Variants in PRKCE observed in about 807,000 individuals in gnomAD.
The protein encoded by PRKCE is protein kinase C epsilon.
PRKCE carries 16 observed loss-of-function variants against 85.4 expected under a neutral mutation model. The ratio of observed to expected loss-of-function variants is 0.19; its 90% CI spans 0.13 to 0.28. PRKCE has a LOEUF of 0.28. Ranked by LOEUF, PRKCE falls within the 10% of genes least tolerant of loss-of-function variation. The pLI is 1.00. For missense variants in PRKCE, 573 were observed against 975.2 expected (o/e 0.59, Z 5.49); for synonymous variants, 388 against 371.5 (o/e 1.04, Z -0.51).
At chr2:45,727,921 G>A (rs1489861390) in intron 1 of PRKCE, among the ~76,000 whole-genome samples, 1 of 152,176 alleles carries the variant, frequency 6.6e-6, no homozygotes, top group Non-Finnish European at 1.5e-5. Context: ...CCAAAGTGCT[G>A]AGATTACAGA....
At chr2:45,975,089 T>C (rs1702356477) in intron 2 of PRKCE, among the ~76,000 whole-genome samples, 1 of 152,180 alleles carries the variant, frequency 6.6e-6, no homozygotes, top group Non-Finnish European at 1.5e-5. Context: ...GAATCTGGGC[T>C]TCCCCACTGA....
At chr2:46,142,340 T>C (rs1675623201) in intron 11 of PRKCE, among the ~76,000 whole-genome samples, 1 of 152,206 alleles carries the variant, frequency 6.6e-6, no homozygotes, top group Non-Finnish European at 1.5e-5. Context: ...CCCAGAGAAA[T>C]AGAAAGTCCT....
At chr2:46,114,749 A>G (rs929633016) in intron 11 of PRKCE, among the ~76,000 whole-genome samples, 5 of 151,776 alleles carry the variant, frequency 3.3e-5, no homozygotes, top group Non-Finnish European at 7.4e-5. Context: ...GAGAATCTAA[A>G]ACCCTTTCCC....
chr2:45,923,570 A>T (rs1315968428), intron 2 of PRKCE, among the ~76,000 whole-genome samples: 1 of 152,162 alleles, frequency 6.6e-6, no homozygotes, highest in East Asian at 1.9e-4. Context: ...TGTGTTTATC[A>T]CCTCAGCTGT....
chr2:46,159,469 G>A lies in PRKCE; in HGVS notation c.1921-137G>A, dbSNP rs1677544092. 3 of 818,290 alleles carry A rather than the reference G, an allele frequency of 3.7e-6. No individual in the cohort carries two copies. In the East Asian group the frequency reaches 8.3e-5, roughly 23 times the overall value. 50.7% of individuals were successfully genotyped at this position (818,290 alleles called of 1,614,324 possible). A position where few individuals can be genotyped will look rare whatever the true frequency, so the allele number is the denominator to read the frequency against. On this transcript the variant is annotated intron_variant, in intron 13 of 14. Transcript: ENST00000306156. The surrounding 1 kb of genome is among the most constrained non-coding windows in gnomAD (Gnocchi z 4.1). ...AAGAGTTAAAGAAAACCCAACAGAT[G>A]TGGCCCTTGAAAGTGCAAAGAACAG... is the stretch of plus-strand genomic sequence containing the variant.
chr2:45,854,614 A>G (rs1347604872), intron 2 of PRKCE, among the ~76,000 whole-genome samples: 2 of 152,234 alleles, frequency 1.3e-5, no homozygotes, highest in Admixed American at 6.5e-5. Flanking sequence ...GAAAGCATTA[A>G]GAGGCGATGG....
In PRKCE at chr2:46,159,737, C is replaced by T. The variant is rs756424708; in HGVS notation, c.2052C>T (p.Pro684=). 6.3e-7 allele frequency: 1 copy of T among 1,599,034 alleles called. No homozygotes were observed. Among genetic ancestry groups the T allele is most frequent in the Non-Finnish European group, 8.5e-7 (1 of 1,179,786 alleles). ...TGGAGCAGAAGAAGATCAAGCCACCCTTCAAACCACGCATTGTAAGTTGGT... is the reference window on the plus strand; with the variant it reads ...TGGAGCAGAAGAAGATCAAGCCACCTTTCAAACCACGCATTGTAAGTTGGT... ...VLLEQKKIKP[P]FKPRIKTKRD... Residue 684 remains proline (P), a synonymous_variant, in exon 14 of 15, where the codon CCC becomes CCT. Coordinates refer to ENST00000306156, the MANE Select transcript of PRKCE (RefSeq NM_005400.3). This position sits in a 1 kb window ranked among gnomAD's most constrained non-coding sequence, Gnocchi z 4.1.
intron 10 of PRKCE, among the ~76,000 whole-genome samples, chr2:46,084,517 A>G (rs1669394897): frequency 1.3e-5 from 2 of 151,908 alleles, no homozygotes; most frequent in South Asian, 4.1e-4. Flanking sequence ...AGGTCAGGAG[A>G]TCAAGACCAT....
intron 14 of PRKCE, among the ~76,000 whole-genome samples, chr2:46,162,214 G>C (rs1312168886): frequency 1.3e-5 from 2 of 152,146 alleles, no homozygotes. Flanking sequence ...GTCCACCTCT[G>C]CCTGGATGTC....
At chr2:46,030,686 AC>A in intron 10 of PRKCE, among the ~76,000 whole-genome samples, 1 of 152,310 alleles carries the variant, frequency 6.6e-6, no homozygotes, top group Non-Finnish European at 1.5e-5. Flanking sequence ...CTATCATAAT[AC>A]TTCCCTGTAG....
chr2:45,770,621 G>C (rs1365193795), intron 1 of PRKCE: 1 of 152,194 alleles, frequency 6.6e-6, no homozygotes, highest in Non-Finnish European at 1.5e-5. Flanking sequence ...ATTTAGACAA[G>C]AGACAGTTAT....
intron 1 of PRKCE, among the ~76,000 whole-genome samples, chr2:45,669,381 A>G (rs1676051729): frequency 6.6e-6 from 1 of 152,302 alleles, no homozygotes; most frequent in Non-Finnish European, 1.5e-5. Context: ...CCCATCAGGA[A>G]TGTGTTTTAG....
intron 2 of PRKCE, among the ~76,000 whole-genome samples, chr2:45,921,662 C>T (rs1430870979): frequency 1.3e-5 from 2 of 152,166 alleles, no homozygotes; most frequent in Non-Finnish European, 2.9e-5. Flanking sequence ...GTGGCTGCTT[C>T]TGGTTGCTCC....
chr2:45,836,921 A>C (rs945408902), intron 1 of PRKCE, among the ~76,000 whole-genome samples: 2 of 152,098 alleles, frequency 1.3e-5, no homozygotes, highest in African/African-American at 4.8e-5. Context: ...AGCAGATGGG[A>C]AGGGAAGTGA....
At chr2:46,127,477 C>G (rs894401009) in intron 11 of PRKCE, among the ~76,000 whole-genome samples, 1 of 152,224 alleles carries the variant, frequency 6.6e-6, no homozygotes, top group Non-Finnish European at 1.5e-5. Flanking sequence ...CCCCAGCCTT[C>G]TCTTAGGGCA....
chr2:45,817,324 G>A (rs112797919), intron 1 of PRKCE, among the ~76,000 whole-genome samples: 1 of 151,918 alleles, frequency 6.6e-6, no homozygotes, highest in South Asian at 2.1e-4. Flanking sequence ...TTTAAATCAG[G>A]GTAGTCCTGT....
intron 11 of PRKCE, among the ~76,000 whole-genome samples, chr2:46,133,214 G>A (rs1463704013): frequency 6.6e-6 from 1 of 152,236 alleles, no homozygotes; most frequent in Non-Finnish European, 1.5e-5. Flanking sequence ...CCCCCAGAAA[G>A]GTTACTCTTG....
At chr2:46,141,399 A>T (rs907521623) in intron 11 of PRKCE, among the ~76,000 whole-genome samples, 1 of 152,204 alleles carries the variant, frequency 6.6e-6, no homozygotes, top group Non-Finnish European at 1.5e-5. Context: ...AATGAGGGGA[A>T]ATGAACATAT....
chr2:45,993,451 A>G (rs553626720), intron 6 of PRKCE, among the ~76,000 whole-genome samples: 3 of 152,336 alleles, frequency 2.0e-5, no homozygotes, highest in East Asian at 3.9e-4. Context: ...AGATGAGTAC[A>G]TAACTCAGGG....
Sources: allele counts gnomAD v4.1 joint callset (sites outside exome capture counted in the v4.1 genomes callset), GRCh38; gene constraint gnomAD v4.1.1; non-coding constraint Gnocchi (gnomAD v3.1); transcripts MANE v1.5; gene names NCBI Gene and HGNC (gene_info 2026-07-23, HGNC 2026-07-21).